Variants in AKAP8L observed in about 807,000 individuals in gnomAD.
AKAP8L encodes the protein A-kinase anchor protein 8-like.
A neutral mutation model predicts 77.5 loss-of-function variants in AKAP8L; 34 were observed. That is an observed-to-expected ratio of 0.44 (90% CI 0.33 to 0.58). The LOEUF (loss-of-function observed/expected upper bound fraction) is 0.58, where lower values mean the gene tolerates loss of function less well. Among genes scored for constraint, AKAP8L ranks in the 20% least tolerant of loss-of-function variants. The probability of loss-of-function intolerance (pLI) is 0.02; values close to 1 mark genes in which losing one functional copy is unlikely to be tolerated. For synonymous variants in AKAP8L, 342 were observed against 340.7 expected (o/e 1.00, Z -0.04); for missense variants, 806 against 887.6 (o/e 0.91, Z 1.17).
rs79423469 is a variant in AKAP8L, at chr19:15,408,347, C to G, written c.88+2173G>C. On this transcript the variant is annotated intron_variant, in intron 2 of 13. Transcript: ENST00000397410. ...TGGGAGGCCAAGGCGGGTGGATCAC[C>G]TGAGATGGGGAATTCAAGACCAGCC... Among the ~76,000 whole-genome samples, 3 of 149,586 alleles carry G rather than the reference C, an allele frequency of 2.0e-5. No individual in the cohort carries two copies. The East Asian group carries it at 6.0e-4, about 30-fold the overall frequency.
In AKAP8L at chr19:15,399,949, G is replaced by A. The variant is rs117012526; in HGVS notation, c.1048+346C>T. 1,129 of 408,204 alleles carry A rather than the reference G, an allele frequency of 2.8e-3. 36 individuals are homozygous for A. In the East Asian group the frequency reaches 0.047, roughly 17 times the overall value. 25.3% of individuals were successfully genotyped at this position (408,204 alleles called of 1,614,324 possible). On this transcript the variant is annotated intron_variant, in intron 8 of 13. Coordinates refer to ENST00000397410, the MANE Select transcript of AKAP8L (RefSeq NM_014371.4). This position sits in a 1 kb window ranked among gnomAD's most constrained non-coding sequence, Gnocchi z 6.1. ...AAAACTGCACCGAGGGTCCCAGATC[G>A]GACACCAGCCACTGAGGACTTGGAA...
intron 12 of AKAP8L, among the ~76,000 whole-genome samples, chr19:15,396,497 C>T (rs1967779101): frequency 1.3e-5 from 2 of 152,214 alleles, no homozygotes; most frequent in South Asian, 4.1e-4. Context: ...CAACACACTT[C>T]CCTACTGCTC....
Position 15,401,120 on chromosome 19 carries a change from T to C in AKAP8L, c.816+30A>G, listed in dbSNP as rs773254892. The C allele has an allele frequency of 1.9e-6, 3 of 1,605,978 alleles. No homozygotes were observed. The highest frequency in any genetic ancestry group is 2.5e-6 in the Non-Finnish European group (3 of 1,178,796). ...AGCTCCGCCCCAGTGGGAACTAAGC[T>C]TCCCAGAGGGGAAGGCTGCCTCCAC... On this transcript the variant is annotated intron_variant, in intron 5 of 13. Transcript: ENST00000397410. This position sits in a 1 kb window ranked among gnomAD's most constrained non-coding sequence, Gnocchi z 6.2.
intron 1 of AKAP8L, 66 bp from the exon 2 acceptor site, chr19:15,410,660 T>A: frequency 7.8e-7 from 1 of 1,288,420 alleles, no homozygotes; most frequent in Non-Finnish European, 1.1e-6. Flanking sequence ...TGAGACTACC[T>A]AACCTTTGGT....
chr19:15,403,023 C>T lies in AKAP8L; in HGVS notation c.362+452G>A, dbSNP rs1967928647. On this transcript the variant is annotated intron_variant, in intron 4 of 13. Transcript: ENST00000397410. The surrounding 1 kb of genome is among the most constrained non-coding windows in gnomAD (Gnocchi z 4.3). ...CAGGAGAGTAACCAGGAAATGCCCA[C>T]ACCTGCCCCGACCCTTACGTGGGGG... is the stretch of plus-strand genomic sequence containing the variant. 6.6e-6 allele frequency among the ~76,000 whole-genome samples: 1 copy of T among 152,190 alleles called. No homozygotes were observed. The highest frequency in any genetic ancestry group is 6.5e-5 in the Admixed American group (1 of 15,280).
rs1967806847 is a variant in AKAP8L, at chr19:15,397,726, A to G, written c.1287T>C (p.Ala429=). 1 of 1,613,890 alleles carries G rather than the reference A, an allele frequency of 6.2e-7. No homozygotes were observed. ...CTCCAAGGCTCACCTGCAGAAAGTC[A>G]GCCGTCTGCTTAGGGAGCTTGGTGC... ...YVGTKLPKQT[A]DFLQEYVTNK... Residue 429 remains alanine (A), a synonymous_variant, in exon 10 of 14, where the codon GCT becomes GCC. Transcript: ENST00000397410. This position sits in a 1 kb window ranked among gnomAD's most constrained non-coding sequence, Gnocchi z 4.7.
At position 15,415,689 on chromosome 19, in the gene AKAP8L, A is replaced by C. The variant is rs146213062; in HGVS notation, c.13+3222T>G. On this transcript the variant is annotated intron_variant, in intron 1 of 13. Transcript: ENST00000397410. Reference sequence around the variant, plus strand: ...ATCACAAGGTCAGGAGATCAAGACCATCCTGGCTAACAAGGTGAAACCCCG... The same window carrying C: ...ATCACAAGGTCAGGAGATCAAGACCCTCCTGGCTAACAAGGTGAAACCCCG... Among the ~76,000 whole-genome samples, 491 of 152,168 alleles carry C rather than the reference A, an allele frequency of 3.2e-3. 7 individuals carry two copies. Among genetic ancestry groups the C allele is most frequent in the Admixed American group, 0.018 (278 of 15,272 alleles).
intron 12 of AKAP8L, among the ~76,000 whole-genome samples, chr19:15,386,056 G>A (rs997736414): frequency 2.0e-4 from 31 of 151,774 alleles, no homozygotes; most frequent in Admixed American, 3.9e-4. Flanking sequence ...GACTACAGGC[G>A]CCCGTCACTA....
intron 12 of AKAP8L, among the ~76,000 whole-genome samples, chr19:15,393,700 CACCT>C (rs1967710733): frequency 6.6e-6 from 1 of 152,106 alleles, no homozygotes; most frequent in Non-Finnish European, 1.5e-5. Flanking sequence ...ACAGGGGGAT[CACCT>C]GAGGTCGGGA....
chr19:15,385,263 C>T (rs1343817788), intron 12 of AKAP8L, among the ~76,000 whole-genome samples: 2 of 151,396 alleles, frequency 1.3e-5, no homozygotes, highest in Non-Finnish European at 2.9e-5. Flanking sequence ...AGGCGTGAGC[C>T]ACCGCGCCCG....
chr19:15,395,409 G>C (rs1174781158), intron 12 of AKAP8L, among the ~76,000 whole-genome samples: 1 of 151,956 alleles, frequency 6.6e-6, no homozygotes, highest in Non-Finnish European at 1.5e-5. Context: ...TCTGCCTCCT[G>C]GGTTCAAGCG....
Position 15,403,518 on chromosome 19 carries a change from T to C in AKAP8L, c.319A>G (p.Thr107Ala), listed in dbSNP as rs1967939813. 6.2e-7 allele frequency: 1 copy of C among 1,613,824 alleles called. No individual in the cohort carries two copies. The highest frequency in any genetic ancestry group is 1.3e-5 in the African/African-American group (1 of 74,888). The change falls in exon 4 of 14, where the codon ACA becomes GCA. Residue 107 changes from threonine to alanine, a missense_variant. Thr to Ala is a moderately conservative substitution (Grantham distance 58). Coordinates refer to ENST00000397410, the MANE Select transcript of AKAP8L (RefSeq NM_014371.4). This position sits in a 1 kb window ranked among gnomAD's most constrained non-coding sequence, Gnocchi z 4.3. ...TACACGCCTCCTTGCATCATGTCTG[T>C]CTCCAAATGCGGCACCATATCTAAG... ...QRLDMVPHLE[T>A]DMMQGGVYGS...
intron 2 of AKAP8L, among the ~76,000 whole-genome samples, chr19:15,410,122 T>C (rs994287608): frequency 6.6e-6 from 1 of 152,174 alleles, no homozygotes; most frequent in East Asian, 1.9e-4. Flanking sequence ...TTTTGTATTT[T>C]AGTATAGATG....
chr19:15,414,059 CTTT>C (rs755252182), intron 1 of AKAP8L, among the ~76,000 whole-genome samples: 7 of 119,966 alleles, frequency 5.8e-5, no homozygotes, highest in African/African-American at 9.5e-5. Flanking sequence ...ATGAATAATT[CTTT>C]TTTTTTTTTT....
At position 15,418,978 on chromosome 19, in the gene AKAP8L, G is replaced by T; in HGVS notation, c.-55C>A. On this transcript the variant is annotated 5_prime_UTR_variant, in exon 1 of 14. Coordinates refer to ENST00000397410, the MANE Select transcript of AKAP8L (RefSeq NM_014371.4). ...CCGGCTTCTGCTGCTCTGAACATCC[G>T]ACGCTGCGATAGCTGCTGCTAACCA... 6.2e-7 allele frequency: 1 copy of T among 1,602,102 alleles called. No homozygotes were observed.
intron 12 of AKAP8L, 59 bp from the exon 13 acceptor site, chr19:15,380,671 C>T (rs1967391093): frequency 3.9e-6 from 6 of 1,551,036 alleles, no homozygotes; most frequent in Non-Finnish European, 5.3e-6. Context: ...AAGTTGCTGC[C>T]CCGACCCTGC....
chr19:15,412,077 G>A (rs1392883715), intron 1 of AKAP8L, among the ~76,000 whole-genome samples: 1 of 152,140 alleles, frequency 6.6e-6, no homozygotes, highest in Non-Finnish European at 1.5e-5. Context: ...GCGTGGTGGT[G>A]TGTGCCTGTA....
In AKAP8L at chr19:15,397,800, C is replaced by T. The variant is rs1447825409; in HGVS notation, c.1213G>A (p.Ala405Thr). 1.9e-5 allele frequency: 31 copies of T among 1,613,840 alleles called. No individual in the cohort carries two copies. Among genetic ancestry groups the T allele is most frequent in the Non-Finnish European group, 2.5e-5 (30 of 1,179,886 alleles). ...TGGAACTTGCTGTCAAGATGGCTGG[C>T]CATCTCGTCCTCATAGAAGGTCCGG... ...KYRTFYEDEM[A>T]SHLDSKFHKE... Residue 405 changes from alanine (A) to threonine (T), a missense_variant, in exon 10 of 14, where the codon GCC (alanine) becomes ACC (threonine). By Grantham distance (58) the Ala-to-Thr change is moderately conservative. Around this residue, in one of 2 missense-constraint regions of AKAP8L, gnomAD observed 580 missense variants for 694.1 expected, o/e 0.84. Transcript: ENST00000397410. This position sits in a 1 kb window ranked among gnomAD's most constrained non-coding sequence, Gnocchi z 4.7.
intron 12 of AKAP8L, among the ~76,000 whole-genome samples, chr19:15,389,245 A>G (rs1163407347): frequency 6.6e-6 from 1 of 151,806 alleles, no homozygotes; most frequent in Non-Finnish European, 1.5e-5. Flanking sequence ...GAAAAAAAAA[A>G]AAAAAGAATT....
Sources: gnomAD v4.1 joint callset for allele counts (sites outside exome capture counted in the v4.1 genomes callset) on GRCh38, gnomAD v4.1.1 for gene constraint, gnomAD v4.1.1 regional missense constraint, Gnocchi (gnomAD v3.1) non-coding constraint, MANE v1.5 for transcripts, NCBI Gene and HGNC (gene_info 2026-07-23, HGNC 2026-07-21) for gene names.